Variants in DCDC1 observed in about 807,000 individuals in gnomAD.
DCDC1 encodes doublecortin domain-containing protein 1.
DCDC1 carries 200 observed loss-of-function variants against 178.3 expected under a neutral mutation model. That is an observed-to-expected ratio of 1.12 (90% CI 1.00 to 1.26). DCDC1 has a LOEUF of 1.26. Ranked by LOEUF, DCDC1 falls within the 50% of genes most tolerant of loss-of-function variation. DCDC1 has a pLI of 0.00. For synonymous variants in DCDC1, 690 were observed against 604.8 expected (o/e 1.14, Z -2.07); for missense variants, 1,983 against 1,749.2 (o/e 1.13, Z -2.38).
chr11:31,219,190 A>T (rs1973958592), intron 9 of DCDC1, among the ~76,000 whole-genome samples: 1 of 152,298 alleles, frequency 6.6e-6, no homozygotes, highest in Non-Finnish European at 1.5e-5. Context: ...AAAAGTAAAA[A>T]TTTTAGAATA....
At chr11:31,272,860 G>A (rs1945674185) in intron 7 of DCDC1, among the ~76,000 whole-genome samples, 1 of 152,230 alleles carries the variant, frequency 6.6e-6, no homozygotes. Context: ...GAGGTCTAGA[G>A]GATGGTGGTC....
intron 15 of DCDC1, among the ~76,000 whole-genome samples, chr11:31,099,647 AG>A (rs111881807): frequency 0.015 from 2,279 of 152,032 alleles, 46 homozygotes; most frequent in African/African-American, 0.052. Flanking sequence ...GGGGTACAGA[AG>A]GGTTTCATGA....
chr11:30,869,468 G>A (rs1489676490), intron 38 of DCDC1, among the ~76,000 whole-genome samples: 1 of 152,168 alleles, frequency 6.6e-6, no homozygotes, highest in African/African-American at 2.4e-5. Flanking sequence ...AAATATTCAT[G>A]AACGCCTGCT....
Position 31,290,141 on chromosome 11 carries a change from G to A in DCDC1, c.960+506C>T, listed in dbSNP as rs552000500. Among the ~76,000 whole-genome samples, 61 of 151,978 alleles carry A rather than the reference G, an allele frequency of 4.0e-4. 2 individuals carry two copies. In the South Asian group the frequency reaches 0.011, roughly 28 times the overall value. ...GTTTTTTAAAGTTTGCTTGTTTCAT[G>A]ATTTTTCTTAGGCCCCTTAGATATG... On this transcript the variant is annotated intron_variant, in intron 7 of 38. Coordinates refer to ENST00000684477, the MANE Select transcript of DCDC1 (RefSeq NM_001387274.1).
At chr11:31,196,563 T>C (rs1030730032) in intron 9 of DCDC1, among the ~76,000 whole-genome samples, 24 of 152,164 alleles carry the variant, frequency 1.6e-4, no homozygotes, top group African/African-American at 5.5e-4. Flanking sequence ...GTTTATTTAC[T>C]ATTACCAGTT....
rs180727794 is a variant in DCDC1, at chr11:31,213,191, G to A, written c.1221+28259C>T. Among the ~76,000 whole-genome samples, 34 of 131,190 alleles carry A rather than the reference G, an allele frequency of 2.6e-4. No homozygotes were observed. In the East Asian group the frequency reaches 6.7e-3, roughly 26 times the overall value. 86.1% of individuals were successfully genotyped at this position (131,190 alleles called of 152,430 possible). A position where few individuals can be genotyped will look rare whatever the true frequency, so the allele number is the denominator to read the frequency against. ...TTCTTTACCAGGGCAGTGGTTTGCTGTCCTCCAAGAAAGGCATGTGGCTCT... is the reference window on the plus strand; with the variant it reads ...TTCTTTACCAGGGCAGTGGTTTGCTATCCTCCAAGAAAGGCATGTGGCTCT... On this transcript the variant is annotated intron_variant, in intron 9 of 38. Coordinates refer to ENST00000684477, the MANE Select transcript of DCDC1 (RefSeq NM_001387274.1).
chr11:30,963,067 G>C (rs1284076603), intron 20 of DCDC1, among the ~76,000 whole-genome samples: 1 of 152,026 alleles, frequency 6.6e-6, no homozygotes, highest in African/African-American at 2.4e-5. Context: ...CAGATATTTG[G>C]TGGATAAACT....
chr11:31,099,811 C>T (rs1293571038), intron 15 of DCDC1, among the ~76,000 whole-genome samples: 4 of 151,510 alleles, frequency 2.6e-5, no homozygotes, highest in Non-Finnish European at 4.4e-5. Context: ...CTCTGCTTCC[C>T]GGGTTCAAGC....
intron 8 of DCDC1, among the ~76,000 whole-genome samples, chr11:31,261,358 T>C (rs940213856): frequency 2.6e-5 from 4 of 152,208 alleles, no homozygotes; most frequent in South Asian, 2.1e-4. Flanking sequence ...AGTTTCCCCA[T>C]ATCCCTGTTA....
chr11:31,096,727 G>A (rs1958177590), intron 15 of DCDC1, among the ~76,000 whole-genome samples: 1 of 151,936 alleles, frequency 6.6e-6, no homozygotes, highest in Non-Finnish European at 1.5e-5. Flanking sequence ...GCCAAGTCTG[G>A]AGTTCTGATA....
chr11:31,064,694 C>T (rs1313671106), intron 19 of DCDC1, 68 bp from the exon 20 acceptor site: 1 of 736,828 alleles, frequency 1.4e-6, no homozygotes, highest in East Asian at 2.4e-5. Context: ...ACTATACATG[C>T]CAAAAATATA....
In DCDC1 at chr11:30,927,105, TTTTC is replaced by T. The variant is rs144086967; in HGVS notation, c.2898-1701_2898-1698del. Among the ~76,000 whole-genome samples the T allele has an allele frequency of 6.1e-3, 924 of 152,250 alleles. 13 individuals are homozygous for T. Among genetic ancestry groups the T allele is most frequent in the African/African-American group, 0.021 (881 of 41,550 alleles). ...GAAGCTATGGTCATGTGCTTTCTCCTTTTCTTTATCTTCTTGCTTTGGATTTTTG... is the reference window on the plus strand; with the variant it reads ...GAAGCTATGGTCATGTGCTTTCTCCTTTTATCTTCTTGCTTTGGATTTTTG... On this transcript the variant is annotated intron_variant, in intron 22 of 38. Coordinates refer to ENST00000684477, the MANE Select transcript of DCDC1 (RefSeq NM_001387274.1).
chr11:31,308,565 A>T (rs112793619), intron 3 of DCDC1, among the ~76,000 whole-genome samples: 2,777 of 152,238 alleles, frequency 0.018, 41 homozygotes, highest in Non-Finnish European at 0.028. Flanking sequence ...ACTGAGGGTC[A>T]CACATTCCAG....
chr11:30,891,102 C>T (rs1943735386), intron 36 of DCDC1, among the ~76,000 whole-genome samples: 1 of 152,114 alleles, frequency 6.6e-6, no homozygotes, highest in Admixed American at 6.5e-5. Context: ...CCAAGTAAAC[C>T]TTGGATATAG....
At position 31,306,371 on chromosome 11, in the gene DCDC1, G is replaced by A; in HGVS notation, c.452C>T (p.Ser151Phe). Residue 151 changes from serine (S) to phenylalanine (F), a missense_variant, in exon 5 of 39, where the codon TCT (serine) becomes TTT (phenylalanine). By Grantham distance (155) the Ser-to-Phe change is radical (BLOSUM62 -2). Coordinates refer to ENST00000684477, the MANE Select transcript of DCDC1 (RefSeq NM_001387274.1). ...ATTCCGGGCTGACTGAAATTTTAAA[G>A]AAGAGAACTCTGCAACCCTGAAGAA... ...VGQLRVAEFS[S>F]LKFQSARNWQ... 1 of 1,608,176 alleles carries A rather than the reference G, an allele frequency of 6.2e-7. No homozygotes were observed. Among genetic ancestry groups the A allele is most frequent in the Admixed American group, 1.7e-5 (1 of 59,066 alleles).
chr11:31,144,730 CT>C (rs1462877681), intron 9 of DCDC1, among the ~76,000 whole-genome samples: 15 of 151,846 alleles, frequency 9.9e-5, no homozygotes, highest in African/African-American at 3.1e-4. Context: ...TGTTTACTTT[CT>C]TTGCTCTTAC....
intron 11 of DCDC1, 143 bp from the exon 12 acceptor site, chr11:31,110,504 A>G (rs1288680534): frequency 1.8e-6 from 1 of 547,576 alleles, no homozygotes; most frequent in Non-Finnish European, 3.3e-6. Flanking sequence ...GGAATTGTGC[A>G]AAGCAAGGAC....
chr11:31,091,897 A>G (rs1957844274), intron 16 of DCDC1, among the ~76,000 whole-genome samples: 1 of 152,228 alleles, frequency 6.6e-6, no homozygotes, highest in African/African-American at 2.4e-5. Flanking sequence ...GAAAAGACTG[A>G]AACAAATCCT....
intron 25 of DCDC1, among the ~76,000 whole-genome samples, chr11:30,918,749 G>A (rs1278836123): frequency 6.6e-6 from 1 of 152,172 alleles, no homozygotes; most frequent in Non-Finnish European, 1.5e-5. Context: ...TGAGGGGATG[G>A]TAGTTCTAGA....
Sources: allele counts gnomAD v4.1 joint callset (sites outside exome capture counted in the v4.1 genomes callset), GRCh38; gene constraint gnomAD v4.1.1; transcripts MANE v1.5; gene names NCBI Gene and HGNC (gene_info 2026-07-23, HGNC 2026-07-21).